The following TRIM14 variants were observed in gnomAD, a reference collection of about 807,000 sequenced individuals.
The protein encoded by TRIM14 is tripartite motif-containing protein 14.
Under a neutral mutation model 44.5 loss-of-function variants are expected in TRIM14, and 28 were observed. That is an observed-to-expected ratio of 0.63 (90% CI 0.47 to 0.86). The LOEUF is 0.86. Ranked by LOEUF, TRIM14 falls within the 40% of genes least tolerant of loss-of-function variation. TRIM14 has a pLI of 0.00. For synonymous variants in TRIM14, 299 were observed against 269.2 expected (o/e 1.11, Z -1.08); for missense variants, 607 against 611.1 (o/e 0.99, Z 0.07).
the TRIM14 span, chr9:98,056,770 C>T: frequency 2.0e-5 from 32 of 1,603,704 alleles, no homozygotes; most frequent in Non-Finnish European, 2.5e-5. Context: ...GCGGCCGGAC[C>T]CAGACTGGTA....
chr9:98,111,969 A>G (rs995420534), intron 1 of TRIM14, among the ~76,000 whole-genome samples: 4 of 152,158 alleles, frequency 2.6e-5, no homozygotes, highest in African/African-American at 9.7e-5. Flanking sequence ...TGTTTTCAGT[A>G]ACTTAATATC....
At chr9:98,071,074 A>C (rs1829320800) in intron 6 of TRIM14, among the ~76,000 whole-genome samples, 1 of 152,200 alleles carries the variant, frequency 6.6e-6, no homozygotes, top group African/African-American at 2.4e-5. Context: ...GGCCTCCCAA[A>C]GTGCTAGGAT....
Position 98,113,574 on chromosome 9 carries a change from T to G in TRIM14, c.208-3590A>C, listed in dbSNP as rs190241128. 3.2e-3 allele frequency among the ~76,000 whole-genome samples: 480 copies of G among 152,300 alleles called. 4 individuals carry two copies. Among genetic ancestry groups the G allele is most frequent in the African/African-American group, 0.011 (472 of 41,556 alleles). On this transcript the variant is annotated intron_variant, in intron 1 of 5. Transcript: ENST00000341469. ...TTCACCATGTTGCTCAGGCTGGTTT[T>G]GAACTCCTGAGCTCAAGTGATCTGC...
At chr9:98,105,956 C>T (rs1826595823) in intron 2 of TRIM14, among the ~76,000 whole-genome samples, 1 of 152,210 alleles carries the variant, frequency 6.6e-6, no homozygotes, top group Non-Finnish European at 1.5e-5. Context: ...ACAAATAAAA[C>T]AACAGTTTTG....
intron 3 of TRIM14, among the ~76,000 whole-genome samples, chr9:98,098,574 T>C (rs1826269626): frequency 6.6e-6 from 1 of 151,328 alleles, no homozygotes; most frequent in Non-Finnish European, 1.5e-5. Context: ...TAGCTGGGCG[T>C]GGTGGGGGGC....
chr9:98,089,137 TC>T (rs1825909746), intron 5 of TRIM14, among the ~76,000 whole-genome samples: 1 of 152,154 alleles, frequency 6.6e-6, no homozygotes, highest in South Asian at 2.1e-4. Context: ...TTTAAGATTT[TC>T]CCCCTTTTTC....
chr9:98,042,290 C>A, the TRIM14 span, among the ~76,000 whole-genome samples: 1 of 79,658 alleles, frequency 1.3e-5, no homozygotes. Flanking sequence ...CAGACTCTGT[C>A]TGGAAAAAAA....
downstream of TRIM14, among the ~76,000 whole-genome samples, chr9:98,065,483 A>ATTTTTT (rs397837187): frequency 0.028 from 1,616 of 58,534 alleles, 130 homozygotes; most frequent in African/African-American, 0.04. Context: ...TGCCCAGCTA[A>ATTTTTT]TTTTTTTTTT....
chr9:98,082,789 G>T (rs1325610575), downstream of TRIM14: 2 of 1,531,936 alleles, frequency 1.3e-6, no homozygotes, highest in Non-Finnish European at 1.8e-6. Flanking sequence ...GTAAAGTAAA[G>T]TAGTGTGCAC....
chr9:98,056,741 A>T, the TRIM14 span: 1 of 1,563,634 alleles, frequency 6.4e-7, no homozygotes, highest in South Asian at 1.2e-5. Flanking sequence ...CACAGAACAG[A>T]GTAGAGGCGG....
chr9:98,047,289 C>T, the TRIM14 span, among the ~76,000 whole-genome samples: 3 of 152,152 alleles, frequency 2.0e-5, no homozygotes, highest in East Asian at 3.8e-4. Flanking sequence ...GAGGCCTCCC[C>T]CACCACGTGG....
chr9:98,100,082 G>A lies in TRIM14; in HGVS notation c.386C>T (p.Ala129Val). 6.2e-7 allele frequency: 1 copy of A among 1,614,120 alleles called. No homozygotes were observed. Among genetic ancestry groups the A allele is most frequent in the Non-Finnish European group, 8.5e-7 (1 of 1,180,024 alleles). Residue 129 changes from alanine (A) to valine (V), a missense_variant, in exon 3 of 6, where the codon GCC becomes GTC. Around this residue, in one of 3 missense-constraint regions of TRIM14, gnomAD observed 246 missense variants for 270.8 expected, o/e 0.91. Transcript: ENST00000341469. ...RLLLDEEEAL[A>V]KKFIDKNTQL... is the part of the protein sequence containing the mutation. Reference sequence around the variant, plus strand: ...CGTGTTTTTATCAATGAATTTCTTGGCCAGCGCTTCCTCTTCGTCAAGTAG... The same window carrying A: ...CGTGTTTTTATCAATGAATTTCTTGACCAGCGCTTCCTCTTCGTCAAGTAG...
chr9:98,061,295 G>A, the TRIM14 span: 1 of 324,062 alleles, frequency 3.1e-6, no homozygotes, highest in African/African-American at 2.1e-5. Flanking sequence ...TGGCCAACAT[G>A]GTGAAACCCC....
In TRIM14 at chr9:98,086,618, G is replaced by A. The variant is rs1428204707; in HGVS notation, c.*852C>T. ...TTGTTCCTTGGTTAGACTTCCTGGC[G>A]CAGGTAAGCCTGCGGAAGACTGAGA... On this transcript the variant is annotated 3_prime_UTR_variant, in exon 6 of 6. Coordinates refer to ENST00000341469, the MANE Select transcript of TRIM14 (RefSeq NM_014788.4). The A allele has an allele frequency of 6.6e-6, 1 of 152,172 alleles. No individual in the cohort carries two copies. Among genetic ancestry groups the A allele is most frequent in the Non-Finnish European group, 1.5e-5 (1 of 68,050 alleles). 9.4% of individuals were successfully genotyped at this position (152,172 alleles called of 1,614,324 possible). A position where few individuals can be genotyped will look rare whatever the true frequency, so the allele number is the denominator to read the frequency against.
chr9:98,051,466 A>G, the TRIM14 span, among the ~76,000 whole-genome samples: 1 of 152,208 alleles, frequency 6.6e-6, no homozygotes, highest in African/African-American at 2.4e-5. Context: ...ATTATTTAGC[A>G]TAACTTTCAT....
chr9:98,096,394 C>T (rs915204481), intron 3 of TRIM14, among the ~76,000 whole-genome samples: 3 of 152,050 alleles, frequency 2.0e-5, no homozygotes, highest in East Asian at 1.9e-4. Context: ...GGAGCAGCTC[C>T]GGGGAGGCGA....
At chr9:98,082,767 G>A (rs1350626380), downstream of TRIM14, 8 of 1,383,354 alleles carry the variant, frequency 5.8e-6, no homozygotes, top group Non-Finnish European at 8.0e-6. Flanking sequence ...AGACTGATCA[G>A]GGACCTTGAG....
intron 6 of TRIM14, among the ~76,000 whole-genome samples, chr9:98,077,871 CT>C (rs1829660373): frequency 6.6e-6 from 1 of 152,206 alleles, no homozygotes; most frequent in African/African-American, 2.4e-5. Context: ...AGCACTCATT[CT>C]ACTGTACTGC....
chr9:98,108,133 T>C (rs964075286), intron 2 of TRIM14, among the ~76,000 whole-genome samples: 1 of 150,128 alleles, frequency 6.7e-6, no homozygotes, highest in Non-Finnish European at 1.5e-5. Context: ...CAAGTAACCC[T>C]TGGGGCAAAC....
Sources: allele counts gnomAD v4.1 joint callset (sites outside exome capture counted in the v4.1 genomes callset), GRCh38; gene constraint gnomAD v4.1.1; regional missense constraint gnomAD v4.1.1; transcripts MANE v1.5; gene names NCBI Gene and HGNC (gene_info 2026-07-23, HGNC 2026-07-21).